PDE1C: variants seen among roughly 807,000 people sequenced by gnomAD.
PDE1C encodes phosphodiesterase 1C, also known as dual specificity calcium/calmodulin-dependent 3',5'-cyclic nucleotide phosphodiesterase 1C.
A neutral mutation model predicts 93.1 loss-of-function variants in PDE1C; 62 were observed. That is an observed-to-expected ratio of 0.67 (90% CI 0.54 to 0.82). The LOEUF (loss-of-function observed/expected upper bound fraction) is 0.82, where lower values mean the gene tolerates loss of function less well. Ranked by LOEUF, PDE1C falls within the 40% of genes least tolerant of loss-of-function variation. The pLI is 0.00. For synonymous variants in PDE1C, 325 were observed against 310.1 expected, an observed-to-expected ratio of 1.05 and a Z score of -0.50; for missense variants, 742 against 884.6, an observed-to-expected ratio of 0.84 and a Z score of 2.04.
intron 3 of PDE1C, among the ~76,000 whole-genome samples, chr7:32,168,562 C>T (rs893719079): frequency 1.3e-5 from 2 of 152,166 alleles, no homozygotes; most frequent in South Asian, 4.1e-4. Context: ...CATTCATGGT[C>T]CCCTCTTTCA....
chr7:31,804,419 G>A (rs952595848), intron 16 of PDE1C, among the ~76,000 whole-genome samples: 3 of 151,764 alleles, frequency 2.0e-5, no homozygotes, highest in Non-Finnish European at 4.4e-5. Context: ...CTGGCCTCAG[G>A]TAGTTTCCTC....
At chr7:31,795,934 T>C (rs1465845015) in intron 16 of PDE1C, among the ~76,000 whole-genome samples, 1 of 151,486 alleles carries the variant, frequency 6.6e-6, no homozygotes, top group Non-Finnish European at 1.5e-5. Flanking sequence ...AAAATGACAA[T>C]GAAGTATCTA....
chr7:32,318,445 C>T (rs2116670), intron 1 of PDE1C, among the ~76,000 whole-genome samples: 22,226 of 152,140 alleles, frequency 0.15, 1,893 homozygotes, highest in East Asian at 0.39. Context: ...GGGAGCGGCT[C>T]TCCCTCCGCC....
chr7:32,237,053 C>T (rs924091776), intron 1 of PDE1C, among the ~76,000 whole-genome samples: 30 of 149,002 alleles, frequency 2.0e-4, no homozygotes, highest in Non-Finnish European at 4.0e-4. Flanking sequence ...CAAAAGGTTA[C>T]ATACTGCATG....
chr7:31,768,479 C>A (rs1303543184), intron 17 of PDE1C, among the ~76,000 whole-genome samples: 1 of 152,148 alleles, frequency 6.6e-6, no homozygotes, highest in Non-Finnish European at 1.5e-5. Context: ...GGTGGGAACA[C>A]AAATATTCAG....
At chr7:31,866,001 G>A (rs2191866) in intron 6 of PDE1C, among the ~76,000 whole-genome samples, 49,828 of 151,908 alleles carry the variant, frequency 0.33, 8,447 homozygotes, top group African/African-American at 0.4. Context: ...TTGTTTTGTC[G>A]TCTGAAATAT....
chr7:31,732,104 G>A, the PDE1C span, among the ~76,000 whole-genome samples: 1 of 152,380 alleles, frequency 6.6e-6, no homozygotes, highest in East Asian at 1.9e-4. Flanking sequence ...CCAGATGCGA[G>A]GTGCGGGAGG....
intron 1 of PDE1C, among the ~76,000 whole-genome samples, chr7:32,215,409 A>G (rs571221171): frequency 2.8e-4 from 43 of 152,302 alleles, no homozygotes; most frequent in African/African-American, 1.0e-3. Context: ...GTTTTAAACA[A>G]TTGCTCCAGA....
intron 2 of PDE1C, among the ~76,000 whole-genome samples, chr7:32,192,667 C>A (rs948820847): frequency 6.6e-6 from 1 of 152,060 alleles, no homozygotes; most frequent in East Asian, 1.9e-4. Flanking sequence ...AACTGTTCTA[C>A]TTCCTACGAT....
chr7:32,371,350 T>C (rs779965682), intron 1 of PDE1C, among the ~76,000 whole-genome samples: 3 of 152,224 alleles, frequency 2.0e-5, no homozygotes, highest in East Asian at 1.9e-4. Context: ...ATTTTCTTCA[T>C]AGCACTTCTC....
chr7:32,162,685 C>T (rs567417484), intron 3 of PDE1C, among the ~76,000 whole-genome samples: 6 of 152,130 alleles, frequency 3.9e-5, no homozygotes, highest in Non-Finnish European at 8.8e-5. Context: ...GCTCAGTCAT[C>T]GCCAATGGGT....
At chr7:31,709,963 AAC>A in the PDE1C span, among the ~76,000 whole-genome samples, 2 of 152,052 alleles carry the variant, frequency 1.3e-5, no homozygotes, top group Non-Finnish European at 2.9e-5. Flanking sequence ...CAGCCTGGGC[AAC>A]ACAGAGAGAC....
At chr7:31,625,320 C>G in the PDE1C span, among the ~76,000 whole-genome samples, 3 of 149,744 alleles carry the variant, frequency 2.0e-5, no homozygotes, top group Non-Finnish European at 4.4e-5. Context: ...GACACATGCA[C>G]TCATATGTTT....
intron 2 of PDE1C, among the ~76,000 whole-genome samples, chr7:32,047,062 AGTGT>A (rs59580872): frequency 0.16 from 23,029 of 145,840 alleles, 2,151 homozygotes; most frequent in East Asian, 0.3. Flanking sequence ...TGCGAGACAG[AGTGT>A]GTGTGTGTGT....
the PDE1C span, among the ~76,000 whole-genome samples, chr7:31,682,803 T>C: frequency 7.9e-5 from 12 of 152,188 alleles, no homozygotes; most frequent in Non-Finnish European, 1.6e-4. Flanking sequence ...TAAAAAGGAA[T>C]GAACTATTGA....
At chr7:32,014,781 C>T (rs9639639) in intron 2 of PDE1C, among the ~76,000 whole-genome samples, 49,208 of 152,046 alleles carry the variant, frequency 0.32, 9,737 homozygotes, top group Non-Finnish European at 0.46. Flanking sequence ...CTTTTTAACG[C>T]TAATTGGATA....
intron 6 of PDE1C, among the ~76,000 whole-genome samples, chr7:31,866,743 A>C (rs1250043984): frequency 6.6e-6 from 1 of 152,134 alleles, no homozygotes; most frequent in Non-Finnish European, 1.5e-5. Context: ...GCAAGGAAGG[A>C]GAGAGAATCA....
At chr7:32,335,208 G>A (rs1783596615) in intron 1 of PDE1C, among the ~76,000 whole-genome samples, 1 of 152,220 alleles carries the variant, frequency 6.6e-6, no homozygotes, top group Non-Finnish European at 1.5e-5. Context: ...AGGGGTCAAT[G>A]TGGAAAGCAG....
intron 16 of PDE1C, among the ~76,000 whole-genome samples, chr7:31,806,088 G>A (rs990943553): frequency 4.0e-5 from 6 of 151,772 alleles, no homozygotes; most frequent in African/African-American, 1.2e-4. Flanking sequence ...TCAGTTTCAT[G>A]AGACCATCCA....
Sources: allele counts gnomAD v4.1 joint callset (sites outside exome capture counted in the v4.1 genomes callset), GRCh38; gene constraint gnomAD v4.1.1; transcripts MANE v1.5; gene names NCBI Gene and HGNC (gene_info 2026-07-23, HGNC 2026-07-21).